The following FAM184B variants were observed in gnomAD, a reference collection of about 807,000 sequenced individuals.
The protein encoded by FAM184B is family with sequence similarity 184 member B.
In FAM184B, 111 loss-of-function variants were observed where a neutral mutation model predicts 135.9. That is an observed-to-expected ratio of 0.82 (90% CI 0.70 to 0.96). The LOEUF is 0.96. Ranked by LOEUF, FAM184B falls within the 40% of genes least tolerant of loss-of-function variation. The pLI is 0.00. For synonymous variants in FAM184B, 552 were observed against 524.8 expected (o/e 1.05, Z -0.71); for missense variants, 1,375 against 1,323.9 (o/e 1.04, Z -0.60).
chr4:17,766,423 G>A (rs577854647), intron 1 of FAM184B, among the ~76,000 whole-genome samples: 1 of 152,248 alleles, frequency 6.6e-6, no homozygotes, highest in East Asian at 1.9e-4. Context: ...TAGACATAAA[G>A]GTTCTCCAAG....
At chr4:17,635,635 A>G (rs1038923606) in intron 15 of FAM184B, among the ~76,000 whole-genome samples, 10 of 151,736 alleles carry the variant, frequency 6.6e-5, no homozygotes, top group Non-Finnish European at 1.5e-4. Flanking sequence ...TTTTCTCTGT[A>G]AAAACATCAG....
intron 1 of FAM184B, among the ~76,000 whole-genome samples, chr4:17,718,853 T>G (rs560820060): frequency 9.9e-5 from 15 of 152,248 alleles, no homozygotes; most frequent in Non-Finnish European, 1.9e-4. Flanking sequence ...AACTCACTGC[T>G]GTAGCCATTG....
rs1715871695 is a variant in FAM184B at position 17,659,852 on chromosome 4, C to A, written c.1824+106G>T. 3 of 1,423,542 alleles carry A rather than the reference C, an allele frequency of 2.1e-6. No homozygotes were observed. The South Asian group carries it at 4.2e-5, about 20-fold the overall frequency. 88.2% of individuals were successfully genotyped at this position (1,423,542 alleles called of 1,614,324 possible). A position where few individuals can be genotyped will look rare whatever the true frequency, so the allele number is the denominator to read the frequency against. ...CCACTTTGCCCTGGTCCTGTAATGCCTTCCCAGCTTGGATGTGAATCAGGC... is the reference window on the plus strand; with the variant it reads ...CCACTTTGCCCTGGTCCTGTAATGCATTCCCAGCTTGGATGTGAATCAGGC... On this transcript the variant is annotated intron_variant, in intron 9 of 17. Transcript: ENST00000265018.
At chr4:17,641,459 CTCTTTTTTTTTTTTT>C in intron 13 of FAM184B, among the ~76,000 whole-genome samples, 1 of 90,234 alleles carries the variant, frequency 1.1e-5, no homozygotes, top group Non-Finnish European at 2.2e-5. Flanking sequence ...ACAGGACTCC[CTCTTTTTTTTTTTTT>C]TTTTTTTTTT....
rs188687108 is a variant in FAM184B, at chr4:17,779,406, C to T, written c.141+1753G>A. On this transcript the variant is annotated intron_variant, in intron 1 of 17. Transcript: ENST00000265018. The stretch of plus-strand genomic sequence containing the variant: ...AGACGCACTACATAAGGATCAATTG[C>T]GATTTCTAATGCAGAATATACTTTA... Among the ~76,000 whole-genome samples the T allele has an allele frequency of 6.4e-4, 97 of 152,284 alleles. 1 individual carries two copies. The highest frequency in any genetic ancestry group is 2.2e-3 in the African/African-American group (91 of 41,556).
chr4:17,706,495 G>T (rs1560181444), intron 3 of FAM184B, among the ~76,000 whole-genome samples: 1 of 152,176 alleles, frequency 6.6e-6, no homozygotes, highest in Non-Finnish European at 1.5e-5. Context: ...CCCAGGTTTT[G>T]TGCCTTTGTT....
At chr4:17,693,267 C>G (rs1378102564) in intron 6 of FAM184B, 35 bp downstream of exon 6, 1 of 1,496,622 alleles carries the variant, frequency 6.7e-7, no homozygotes, top group Admixed American at 2.0e-5. Flanking sequence ...GGACCAGAAA[C>G]AGCACCCCAA....
rs550085995 is a variant in FAM184B, at chr4:17,749,689, G to T, written c.141+31470C>A. On this transcript the variant is annotated intron_variant, in intron 1 of 17. Coordinates refer to ENST00000265018, the MANE Select transcript of FAM184B (RefSeq NM_015688.2). ...TATTACCTTAAAAATAAACATGGCT[G>T]TATCATCTTAAAAAAATCAAAGCTA... Among the ~76,000 whole-genome samples, 202 of 152,148 alleles carry T rather than the reference G, an allele frequency of 1.3e-3. 1 individual carries two copies. The highest frequency in any genetic ancestry group is 2.4e-3 in the Non-Finnish European group (163 of 67,996).
chr4:17,708,663 CTATATATATATATATATATATATATA>C lies in FAM184B; in HGVS notation c.894+203_894+228del, dbSNP rs60087211. Among the ~76,000 whole-genome samples, 31 of 16,992 alleles carry C rather than the reference CTATATATATATATATATATATATATA, an allele frequency of 1.8e-3. 3 individuals carry two copies. The highest frequency in any genetic ancestry group is 5.8e-3 in the South Asian group (2 of 342). The allele number at this position is 16,992 out of a possible 152,430, so 11.1% of individuals were successfully genotyped here. ...CCGTCTCAAAAATAAGGAAACAAAA[CTATATATATATATATATATATATATA>C]TATATATATATATATATATAGTGTC... On this transcript the variant is annotated intron_variant, in intron 2 of 17. Transcript: ENST00000265018.
At chr4:17,643,049 G>T (rs1490557453) in intron 12 of FAM184B, among the ~76,000 whole-genome samples, 1 of 152,242 alleles carries the variant, frequency 6.6e-6, no homozygotes, top group Non-Finnish European at 1.5e-5. Context: ...GCATGATGTG[G>T]GATGCCCGTG....
At chr4:17,672,652 T>C (rs1716205821) in intron 7 of FAM184B, among the ~76,000 whole-genome samples, 1 of 152,178 alleles carries the variant, frequency 6.6e-6, no homozygotes, top group African/African-American at 2.4e-5. Flanking sequence ...ATTTTTGGTT[T>C]TAATTCTGTT....
intron 1 of FAM184B, among the ~76,000 whole-genome samples, chr4:17,764,782 C>T (rs1374172826): frequency 2.0e-5 from 3 of 146,646 alleles, no homozygotes; most frequent in Admixed American, 6.6e-5. Flanking sequence ...TGCAAATTCT[C>T]GGCCAGGCGC....
rs1162353676 is a variant in FAM184B at position 17,631,678 on chromosome 4, TCTG to T, written c.*851_*853del. 1 of 152,220 alleles carries T rather than the reference TCTG, an allele frequency of 6.6e-6. No individual in the cohort carries two copies. Among genetic ancestry groups the T allele is most frequent in the East Asian group, 1.9e-4 (1 of 5,198 alleles). 9.4% of individuals were successfully genotyped at this position (152,220 alleles called of 1,614,324 possible). On this transcript the variant is annotated 3_prime_UTR_variant, in exon 18 of 18. Transcript: ENST00000265018. ...GAGGTGGGTGTTATCCCATCTATAA[TCTG>T]CTGCTTGTCTTAGACCAAGGAAGTG...
rs1717185319 is a variant in FAM184B at position 17,709,013 on chromosome 4, A to T, written c.773T>A (p.Phe258Tyr). ...CTGCAGGGCTGACTCCTGGACCTGG[A>T]AGTTCTTGCGGAGGTCCGACTCCTT... The part of the protein sequence containing the change: ...QEKESDLRKN[F>Y]QVQESALQAQ... The change falls in exon 2 of 18, where the codon TTC becomes TAC. Residue 258 changes from phenylalanine (F) to tyrosine (Y), a missense_variant. Physicochemically the swap from Phe to Tyr is conservative, Grantham distance 22. Coordinates refer to ENST00000265018, the MANE Select transcript of FAM184B (RefSeq NM_015688.2). The T allele has an allele frequency of 6.5e-7, 1 of 1,550,248 alleles. No homozygotes were observed.
intron 1 of FAM184B, among the ~76,000 whole-genome samples, chr4:17,774,530 G>A (rs1718881184): frequency 6.6e-6 from 1 of 152,166 alleles, no homozygotes; most frequent in South Asian, 2.1e-4. Flanking sequence ...TTTATTTACT[G>A]GGGAATGGAT....
chr4:17,702,449 C>T (rs140174647), intron 5 of FAM184B, among the ~76,000 whole-genome samples: 6 of 152,076 alleles, frequency 3.9e-5, no homozygotes, highest in Admixed American at 6.5e-5. Context: ...CAGCTCCAGC[C>T]CACCTCCTAT....
chr4:17,703,218 T>C (rs1717029514), intron 5 of FAM184B, among the ~76,000 whole-genome samples: 1 of 152,196 alleles, frequency 6.6e-6, no homozygotes, highest in Non-Finnish European at 1.5e-5. Flanking sequence ...CAATGAGACC[T>C]GGGCATGGTG....
intron 5 of FAM184B, among the ~76,000 whole-genome samples, chr4:17,701,241 C>T (rs557240581): frequency 2.0e-5 from 3 of 152,262 alleles, no homozygotes; most frequent in Non-Finnish European, 2.9e-5. Context: ...AGATGAATAA[C>T]GGCAGAGCGA....
chr4:17,735,738 C>G (rs936515105), intron 1 of FAM184B, among the ~76,000 whole-genome samples: 21 of 152,138 alleles, frequency 1.4e-4, no homozygotes, highest in Admixed American at 5.2e-4. Context: ...GCTGAATGTG[C>G]AAGACCACAA....
Sources: allele counts gnomAD v4.1 joint callset (sites outside exome capture counted in the v4.1 genomes callset), GRCh38; gene constraint gnomAD v4.1.1; transcripts MANE v1.5; gene names NCBI Gene and HGNC (gene_info 2026-07-23, HGNC 2026-07-21).